The following MALRD1 variants were observed in gnomAD, a reference collection of about 807,000 sequenced individuals.
MALRD1 encodes the protein MAM and LDL receptor class A domain containing 1, also known as MAM and LDL-receptor class A domain-containing protein 1.
In MALRD1, 247 loss-of-function variants were observed where a neutral mutation model predicts 242.1. That is an observed-to-expected ratio of 1.02 (90% CI 0.92 to 1.13). The LOEUF (loss-of-function observed/expected upper bound fraction) is 1.13. Ranked by LOEUF, MALRD1 falls within the 50% of genes most tolerant of loss-of-function variation. The pLI is 0.00. For missense variants in MALRD1, 2,989 were observed against 2,533.1 expected, an observed-to-expected ratio of 1.18 and a Z score of -3.86; for synonymous variants, 995 against 866.6, an observed-to-expected ratio of 1.15 and a Z score of -2.60.
At chr10:19,181,856 A>T (rs1042098855) in intron 14 of MALRD1, among the ~76,000 whole-genome samples, 23 of 152,126 alleles carry the variant, frequency 1.5e-4, no homozygotes, top group African/African-American at 5.5e-4. Context: ...ACATAATAAA[A>T]TTTGTTTTAA....
chr10:19,386,908 A>G (rs1223546154), intron 26 of MALRD1, among the ~76,000 whole-genome samples: 1 of 152,162 alleles, frequency 6.6e-6, no homozygotes, highest in Non-Finnish European at 1.5e-5. Context: ...GCTTTTTCTC[A>G]TGTTTTGTAA....
At chr10:19,645,240 G>A (rs1840595945) in intron 36 of MALRD1, among the ~76,000 whole-genome samples, 1 of 152,136 alleles carries the variant, frequency 6.6e-6, no homozygotes, top group Admixed American at 6.5e-5. Context: ...AGGTGCTGGA[G>A]AGGATGTGGA....
At chr10:19,478,540 A>G (rs1836846549) in intron 29 of MALRD1, among the ~76,000 whole-genome samples, 1 of 152,100 alleles carries the variant, frequency 6.6e-6, no homozygotes, top group Non-Finnish European at 1.5e-5. Context: ...ACCCTTAAAG[A>G]AGGGTCCCTT....
intron 36 of MALRD1, among the ~76,000 whole-genome samples, chr10:19,661,299 G>C (rs1342299966): frequency 1.3e-5 from 2 of 152,106 alleles, no homozygotes; most frequent in Non-Finnish European, 2.9e-5. Flanking sequence ...ATACCCAAAG[G>C]ATTATAAATC....
chr10:19,154,573 C>T (rs756009862), intron 11 of MALRD1, among the ~76,000 whole-genome samples: 1 of 152,166 alleles, frequency 6.6e-6, no homozygotes, highest in African/African-American at 2.4e-5. Flanking sequence ...AATCTAAAAG[C>T]GGTGATTTTG....
intron 26 of MALRD1, among the ~76,000 whole-genome samples, chr10:19,386,629 G>T (rs1470772835): frequency 6.6e-6 from 1 of 151,840 alleles, no homozygotes; most frequent in Non-Finnish European, 1.5e-5. Context: ...TCATGTATTT[G>T]ACTAATATTT....
intron 26 of MALRD1, among the ~76,000 whole-genome samples, chr10:19,384,920 A>T (rs1846015116): frequency 6.6e-6 from 1 of 151,160 alleles, no homozygotes; most frequent in South Asian, 2.1e-4. Context: ...TATGACCTTT[A>T]TTATGTTGAT....
At chr10:19,340,339 G>A (rs573522585) in intron 24 of MALRD1, among the ~76,000 whole-genome samples, 2,055 of 117,156 alleles carry the variant, frequency 0.018, 33 homozygotes, top group Middle Eastern at 0.04. Flanking sequence ...TCAATTTGAT[G>A]TGCTAACTTT....
At chr10:19,214,384 T>C (rs1362981771) in intron 18 of MALRD1, among the ~76,000 whole-genome samples, 11 of 152,184 alleles carry the variant, frequency 7.2e-5, no homozygotes, top group Non-Finnish European at 1.6e-4. Flanking sequence ...GGCCATTTTT[T>C]TGGTTGTTTC....
intron 19 of MALRD1, among the ~76,000 whole-genome samples, chr10:19,267,379 G>T (rs992222462): frequency 1.3e-5 from 2 of 151,978 alleles, no homozygotes; most frequent in Non-Finnish European, 2.9e-5. Context: ...CTATTTTAAG[G>T]ATGCTTAACA....
intron 38 of MALRD1, among the ~76,000 whole-genome samples, chr10:19,728,050 G>A (rs1358341824): frequency 6.6e-6 from 1 of 152,146 alleles, no homozygotes; most frequent in Non-Finnish European, 1.5e-5. Flanking sequence ...AAATAGGAAA[G>A]ACATTAAAAT....
chr10:19,211,919 T>C (rs2131635961), intron 18 of MALRD1, among the ~76,000 whole-genome samples: 1 of 152,190 alleles, frequency 6.6e-6, no homozygotes, highest in Middle Eastern at 3.4e-3. Context: ...GCAGGGATTT[T>C]TCACGATCAC....
At chr10:19,386,218 TATCACCA>T (rs1280019366) in intron 26 of MALRD1, among the ~76,000 whole-genome samples, 1 of 152,150 alleles carries the variant, frequency 6.6e-6, no homozygotes, top group African/African-American at 2.4e-5. Context: ...TATGAGGTTG[TATCACCA>T]GCCGTTTCCA....
chr10:19,117,118 G>GA (rs1366899588), intron 5 of MALRD1, among the ~76,000 whole-genome samples: 1 of 150,240 alleles, frequency 6.7e-6, no homozygotes, highest in Non-Finnish European at 1.5e-5. Context: ...AAAGAAGAAA[G>GA]AAAGAGTGAG....
At chr10:19,672,458 C>A (rs891498198) in intron 36 of MALRD1, among the ~76,000 whole-genome samples, 1 of 141,482 alleles carries the variant, frequency 7.1e-6, no homozygotes, top group African/African-American at 2.7e-5. Flanking sequence ...CAGTCTCTCT[C>A]TCTCACCTAG....
rs369312706 is a variant in MALRD1 at position 19,519,713 on chromosome 10, G to A, written c.5321-11481G>A. On this transcript the variant is annotated intron_variant, in intron 31 of 39. Coordinates refer to ENST00000454679, the MANE Select transcript of MALRD1 (RefSeq NM_001142308.3). ...CAGGAGGTTGAAGCTGCAATGAACT[G>A]TTATCACGCCACTGCAATGTAGCCA... Among the ~76,000 whole-genome samples, 6 of 152,070 alleles carry A rather than the reference G, an allele frequency of 3.9e-5. No homozygotes were observed. In the East Asian group the frequency reaches 7.7e-4, roughly 20 times the overall value.
chr10:19,571,875 G>A (rs972333438), intron 33 of MALRD1, among the ~76,000 whole-genome samples: 1 of 152,086 alleles, frequency 6.6e-6, no homozygotes, highest in Admixed American at 6.6e-5. Context: ...AAAACATCCA[G>A]ATTTGTATGT....
intron 29 of MALRD1, among the ~76,000 whole-genome samples, chr10:19,454,563 A>T (rs1160255774): frequency 6.6e-6 from 1 of 150,768 alleles, no homozygotes; most frequent in Non-Finnish European, 1.5e-5. Context: ...TACCCAATAA[A>T]CCCATTATAA....
rs1430042455 is a variant in MALRD1 at position 19,491,652 on chromosome 10, T to G, written c.5158+7T>G. 6.5e-7 allele frequency: 1 copy of G among 1,548,296 alleles called. No homozygotes were observed. Among genetic ancestry groups the G allele is most frequent in the East Asian group, 2.4e-5 (1 of 40,866 alleles). On this transcript the variant is annotated splice_region_variant and intron_variant, in intron 30 of 39. Transcript: ENST00000454679. ...TCTGATGAAGCTCACTGTGGTAAGTTTATCTATCTGCTGTATGGCAGCCAG... is the reference window on the plus strand; with the variant it reads ...TCTGATGAAGCTCACTGTGGTAAGTGTATCTATCTGCTGTATGGCAGCCAG...
Sources: gnomAD v4.1 joint callset for allele counts (sites outside exome capture counted in the v4.1 genomes callset) on GRCh38, gnomAD v4.1.1 for gene constraint, MANE v1.5 for transcripts, NCBI Gene and HGNC (gene_info 2026-07-23, HGNC 2026-07-21) for gene names.